Variants in FGFR2 observed in about 807,000 individuals in gnomAD.
FGFR2 encodes the protein BEK fibroblast growth factor receptor.
A neutral mutation model predicts 95.9 loss-of-function variants in FGFR2; 19 were observed. The ratio of observed to expected loss-of-function variants is 0.20; its 90% confidence interval spans 0.14 to 0.29. FGFR2 has a LOEUF of 0.29. Among genes scored for constraint, FGFR2 ranks in the 10% least tolerant of loss-of-function variants. The pLI, the probability that FGFR2 is intolerant of heterozygous loss-of-function variation, is 1.00. For missense variants in FGFR2, 707 were observed against 1,056.9 expected, an observed-to-expected ratio of 0.67 and a Z score of 4.59; for synonymous variants, 392 against 393.3, an observed-to-expected ratio of 1.00 and a Z score of 0.04.
At chr10:121,552,548 T>C (rs1855553788) in intron 4 of FGFR2, among the ~76,000 whole-genome samples, 1 of 152,186 alleles carries the variant, frequency 6.6e-6, no homozygotes, top group Non-Finnish European at 1.5e-5. Context: ...CACATCAGTC[T>C]GATGCCAGAG....
chr10:121,534,340 G>A (rs1465182787), intron 6 of FGFR2, among the ~76,000 whole-genome samples: 4 of 151,638 alleles, frequency 2.6e-5, no homozygotes, highest in Admixed American at 6.6e-5. Flanking sequence ...CTCATGATCT[G>A]CCTGCCTCGG....
intron 10 of FGFR2, among the ~76,000 whole-genome samples, chr10:121,501,303 G>A (rs1158497798): frequency 6.6e-6 from 1 of 152,104 alleles, no homozygotes; most frequent in Non-Finnish European, 1.5e-5. Context: ...AAGAAAAAAC[G>A]TTAAGACTGT....
chr10:121,527,915 G>A (rs1236475585), intron 6 of FGFR2: 1 of 152,284 alleles, frequency 6.6e-6, no homozygotes, highest in Non-Finnish European at 1.5e-5. Flanking sequence ...ACTTGCCATA[G>A]GGGTGCAACA....
intron 9 of FGFR2, among the ~76,000 whole-genome samples, chr10:121,506,369 A>AAAG (rs1848279182): frequency 6.6e-6 from 1 of 150,956 alleles, no homozygotes; most frequent in East Asian, 1.9e-4. Context: ...AAAAAAAAAA[A>AAAG]AAAAAAAGAG....
At chr10:121,554,505 ATTTTTTT>A (rs11334001) in intron 4 of FGFR2, among the ~76,000 whole-genome samples, 12,193 of 122,010 alleles carry the variant, frequency 0.1, 1,489 homozygotes, top group African/African-American at 0.3. Context: ...TGCCCGGCTA[ATTTTTTT>A]TTTTTTTTTT....
intron 6 of FGFR2, among the ~76,000 whole-genome samples, chr10:121,533,695 A>C (rs1325292346): frequency 6.6e-6 from 1 of 152,244 alleles, no homozygotes; most frequent in Admixed American, 6.5e-5. Flanking sequence ...GCACCTCCTT[A>C]GAGTCGGGCT....
chr10:121,488,540 C>CAAAAAAAAAAA (rs60596436), intron 13 of FGFR2, among the ~76,000 whole-genome samples: 1 of 103,094 alleles, frequency 9.7e-6, no homozygotes. Flanking sequence ...GACTCTGTCT[C>CAAAAAAAAAAA]AAAAAAAAAA....
At chr10:121,557,152 C>A (rs1856272165) in intron 4 of FGFR2, among the ~76,000 whole-genome samples, 1 of 152,178 alleles carries the variant, frequency 6.6e-6, no homozygotes. Context: ...CACTAGCAGA[C>A]CAGTTAGCCC....
In FGFR2 at chr10:121,518,954, G is replaced by A. The variant is rs2134291560; in HGVS notation, c.939+1025C>T. ...TACGTCTAAACAGCGGCATTAAAGG[G>A]CTGCGGATTTTAAAGAACAAAATCA... On this transcript the variant is annotated intron_variant, in intron 7 of 17. Coordinates refer to ENST00000358487, the MANE Select transcript of FGFR2 (RefSeq NM_000141.5). The surrounding 1 kb of genome is among the most constrained non-coding windows in gnomAD (Gnocchi z 4.0). 8 of 1,188,658 alleles carry A rather than the reference G, an allele frequency of 6.7e-6. No individual in the cohort carries two copies. The South Asian group carries it at 1.0e-4, about 15-fold the overall frequency. The allele number at this position is 1,188,658 out of a possible 1,614,324, so 73.6% of individuals were successfully genotyped here. A position where few individuals can be genotyped will look rare whatever the true frequency, so the allele number is the denominator to read the frequency against.
chr10:121,576,481 T>C (rs1173764184), intron 2 of FGFR2, among the ~76,000 whole-genome samples: 1 of 152,128 alleles, frequency 6.6e-6, no homozygotes, highest in African/African-American at 2.4e-5. Context: ...GGAAAACCCT[T>C]TCATCAAAAG....
chr10:121,480,754 G>A (rs544885677), intron 17 of FGFR2, among the ~76,000 whole-genome samples: 64 of 151,602 alleles, frequency 4.2e-4, no homozygotes, highest in African/African-American at 1.4e-3. Flanking sequence ...TTGAAGGTTC[G>A]AGATTCAGAA....
intron 2 of FGFR2, among the ~76,000 whole-genome samples, chr10:121,579,822 C>T (rs1265205884): frequency 1.3e-5 from 2 of 152,112 alleles, no homozygotes; most frequent in Non-Finnish European, 1.5e-5. Context: ...TAAGGGCCTG[C>T]GTTACTGCGA....
At chr10:121,487,801 A>C (rs1225469646) in intron 14 of FGFR2, among the ~76,000 whole-genome samples, 190 bp downstream of exon 14, 1 of 152,214 alleles carries the variant, frequency 6.6e-6, no homozygotes, top group Non-Finnish European at 1.5e-5. Flanking sequence ...ACATTTACTA[A>C]AATTGACATA....
intron 8 of FGFR2, among the ~76,000 whole-genome samples, chr10:121,516,483 A>C (rs1317178540): frequency 6.6e-6 from 1 of 152,252 alleles, no homozygotes; most frequent in Non-Finnish European, 1.5e-5. Context: ...TAAAATAAGC[A>C]TGCAGGTAAG....
In FGFR2 at chr10:121,565,492, T is replaced by C. The variant is rs1188185824; in HGVS notation, c.322A>G (p.Thr108Ala). Residue 108 changes from threonine (T) to alanine (A), a missense_variant, in exon 3 of 18, where the codon ACT becomes GCT. Thr to Ala is a moderately conservative substitution (Grantham distance 58). This residue lies in a region of FGFR2 where 178 missense variants were observed against 194.1 expected (regional missense o/e 0.92). Transcript: ENST00000358487. ...TCACTGTCTACAGTCCTACTGGCAG[T>C]ACAAGCATAGAGGCCGGAGTCTCTA... ...TPRDSGLYACTASRTVDSETW... is the reference protein window; with the variant it reads ...TPRDSGLYACAASRTVDSETW... The C allele has an allele frequency of 6.2e-7, 1 of 1,614,076 alleles. No individual in the cohort carries two copies. Among genetic ancestry groups the C allele is most frequent in the Non-Finnish European group, 8.5e-7 (1 of 1,180,036 alleles).
In FGFR2 at chr10:121,565,718, GGA is replaced by G. The variant is rs773932794; in HGVS notation, c.110-16_110-15del. ...TGGTTGGTGGCTCTGCAGAAAGGTG[GGA>G]GAGAGAAGACGGAGACAGATGGGAA... On this transcript the variant is annotated splice_polypyrimidine_tract_variant and intron_variant, in intron 2 of 17. Coordinates refer to ENST00000358487, the MANE Select transcript of FGFR2 (RefSeq NM_000141.5). 8.4e-5 allele frequency: 135 copies of G among 1,613,998 alleles called. No homozygotes were observed. Among genetic ancestry groups the G allele is most frequent in the Admixed American group, 1.3e-4 (8 of 59,998 alleles).
chr10:121,569,224 C>CTTTTT (rs749808833), intron 2 of FGFR2, among the ~76,000 whole-genome samples: 2 of 83,818 alleles, frequency 2.4e-5, no homozygotes, highest in Non-Finnish European at 4.9e-5. Flanking sequence ...CTTTTCTTTT[C>CTTTTT]TTTTTTTTTT....
At chr10:121,572,560 C>T (rs1858980652) in intron 2 of FGFR2, among the ~76,000 whole-genome samples, 1 of 151,952 alleles carries the variant, frequency 6.6e-6, no homozygotes, top group Admixed American at 6.6e-5. Context: ...GTGGAGGTTG[C>T]AGTGAGCCGA....
At chr10:121,507,215 C>T (rs1019458904) in intron 9 of FGFR2, among the ~76,000 whole-genome samples, 1 of 152,164 alleles carries the variant, frequency 6.6e-6, no homozygotes, top group Admixed American at 6.5e-5. Flanking sequence ...GGTCCCTGTC[C>T]CAGTTTGAGC....
Sources: gnomAD v4.1 joint callset for allele counts (sites outside exome capture counted in the v4.1 genomes callset) on GRCh38, gnomAD v4.1.1 for gene constraint, gnomAD v4.1.1 regional missense constraint, Gnocchi (gnomAD v3.1) non-coding constraint, MANE v1.5 for transcripts, NCBI Gene and HGNC (gene_info 2026-07-23, HGNC 2026-07-21) for gene names.